The following KNDC1 variants were observed in gnomAD, a reference collection of about 807,000 sequenced individuals.
KNDC1 encodes kinase non-catalytic C-lobe domain containing 1, also known as kinase non-catalytic C-lobe domain-containing protein 1.
A neutral mutation model predicts 172.8 loss-of-function variants in KNDC1; 106 were observed. That is an observed-to-expected ratio of 0.61 (90% CI 0.52 to 0.72). The LOEUF (loss-of-function observed/expected upper bound fraction) is 0.72, where lower values mean the gene tolerates loss of function less well. Ranked by LOEUF, KNDC1 falls within the 30% of genes least tolerant of loss-of-function variation. KNDC1 has a pLI of 0.00. For synonymous variants in KNDC1, 1,083 were observed against 1,062.2 expected, an observed-to-expected ratio of 1.02 and a Z score of -0.38; for missense variants, 2,325 against 2,394.5, an observed-to-expected ratio of 0.97 and a Z score of 0.61.
At chr10:133,191,442 G>C (rs535506643) in intron 9 of KNDC1, among the ~76,000 whole-genome samples, 1 of 152,052 alleles carries the variant, frequency 6.6e-6, no homozygotes, top group African/African-American at 2.4e-5. Context: ...GCTCACACCT[G>C]TAATCCCAGC....
In KNDC1 at chr10:133,211,704, A is replaced by G. The variant is rs41283313; in HGVS notation, c.4082A>G (p.Lys1361Arg). Reference sequence around the variant, plus strand: ...ATCCTACCCCTGGACGGCTCTGCCAAGCACCTGCTGGGCCTCCTGGAGGTG... The same window carrying G: ...ATCCTACCCCTGGACGGCTCTGCCAGGCACCTGCTGGGCCTCCTGGAGGTG... ...SKILPLDGSAKHLLGLLEVGM... is the reference protein window; with the variant it reads ...SKILPLDGSARHLLGLLEVGM... The change falls in exon 23 of 30, where the codon AAG (lysine) becomes AGG (arginine). Residue 1361 changes from lysine to arginine, a missense_variant. Lys to Arg is a conservative substitution (Grantham distance 26). Coordinates refer to ENST00000304613, the MANE Select transcript of KNDC1 (RefSeq NM_152643.8). 0.034 allele frequency: 54,970 copies of G among 1,603,868 alleles called. 1,179 individuals are homozygous for G. Among genetic ancestry groups the G allele is most frequent in the South Asian group, 0.044 (3,958 of 90,542 alleles).
chr10:133,208,746 C>T lies in KNDC1; in HGVS notation c.3794+1395C>T, dbSNP rs1845280879. On this transcript the variant is annotated intron_variant, in intron 20 of 29. Transcript: ENST00000304613. ...AGGGTCTCTGTGCCGTTGCGGGAGACGTCCGTGTGCGTGACTGGGCACGTG... is the reference window on the plus strand; with the variant it reads ...AGGGTCTCTGTGCCGTTGCGGGAGATGTCCGTGTGCGTGACTGGGCACGTG... Among the ~76,000 whole-genome samples the T allele has an allele frequency of 2.0e-5, 3 of 152,146 alleles. No individual in the cohort carries two copies. The South Asian group carries it at 6.2e-4, about 32-fold the overall frequency.
intron 3 of KNDC1, among the ~76,000 whole-genome samples, chr10:133,177,532 ATAGT>A (rs1028196165): frequency 1.2e-4 from 14 of 115,622 alleles, no homozygotes; most frequent in African/African-American, 3.7e-4. Context: ...GTGCATGCAC[ATAGT>A]GTGTGTCATG....
intron 29 of KNDC1, among the ~76,000 whole-genome samples, chr10:133,220,965 C>T (rs1037648860): frequency 6.6e-6 from 1 of 152,090 alleles, no homozygotes; most frequent in African/African-American, 2.4e-5. Flanking sequence ...GCACTCACAG[C>T]CTCAGACCTC....
intron 19 of KNDC1, 29 bp from the exon 20 acceptor site, chr10:133,207,108 G>T: frequency 6.4e-7 from 1 of 1,563,390 alleles, no homozygotes; most frequent in South Asian, 1.2e-5. Context: ...GGGGCAGAGT[G>T]ACCAAGCGCC....
intron 2 of KNDC1, among the ~76,000 whole-genome samples, chr10:133,167,948 G>A (rs1372662802): frequency 6.6e-6 from 1 of 152,224 alleles, no homozygotes; most frequent in Non-Finnish European, 1.5e-5. Context: ...GGACGCCCCT[G>A]CCTCCGTGGG....
At position 133,198,556 on chromosome 10, in the gene KNDC1, C is replaced by T. The variant is rs530707341; in HGVS notation, c.2070-22C>T. ...GGGTCCCGGGCGCAGGCAGCCCCTC[C>T]TGAGCTCTGCTCCTCCCGTAGGGAC... On this transcript the variant is annotated intron_variant, in intron 13 of 29. Coordinates refer to ENST00000304613, the MANE Select transcript of KNDC1 (RefSeq NM_152643.8). 8 of 1,579,166 alleles carry T rather than the reference C, an allele frequency of 5.1e-6. No homozygotes were observed. In the African/African-American group the frequency reaches 1.1e-4, roughly 21 times the overall value.
Position 133,167,442 on chromosome 10 carries a change from C to T in KNDC1, c.164C>T (p.Ala55Val). The T allele has an allele frequency of 6.2e-7, 1 of 1,606,002 alleles. No individual in the cohort carries two copies. Among genetic ancestry groups the T allele is most frequent in the Non-Finnish European group, 8.5e-7 (1 of 1,177,494 alleles). Residue 55 changes from alanine (A) to valine (V), a missense_variant, in exon 2 of 30, where the codon GCC becomes GTC. Ala to Val is a moderately conservative substitution (Grantham distance 64). Transcript: ENST00000304613. Reference protein sequence around the residue: ...LRDRGLSEQEAWAVCLECSLS... With the variant: ...LRDRGLSEQEVWAVCLECSLS... The stretch of plus-strand genomic sequence containing the variant: ...GACCGCGGCCTCAGCGAGCAGGAAG[C>T]CTGGGCCGTGTGCCTGGAGTGCAGC...
At chr10:133,216,283 G>A in intron 26 of KNDC1, among the ~76,000 whole-genome samples, 1 of 152,186 alleles carries the variant, frequency 6.6e-6, no homozygotes, top group Middle Eastern at 3.4e-3. Context: ...GGGGTCGGTG[G>A]TTCCGTTCAG....
chr10:133,199,620 C>A lies in KNDC1; in HGVS notation c.2903+18C>A. ...TCCCCAAGGTGGGTGCCCAGTTCGG[C>A]CCTGCATTCCCGCCCCTCCCTGATG... On this transcript the variant is annotated intron_variant, in intron 15 of 29. Transcript: ENST00000304613. The A allele has an allele frequency of 6.2e-7, 1 of 1,610,762 alleles. No homozygotes were observed. Among genetic ancestry groups the A allele is most frequent in the Non-Finnish European group, 8.5e-7 (1 of 1,178,914 alleles).
Position 133,214,195 on chromosome 10 carries a change from T to C in KNDC1, c.4677+73T>C, listed in dbSNP as rs888345143. ...TACGCGGGGGTGGCAGCGCCTCCTA[T>C]AAGGCCGTGGCCTGAACCCTCTCCC... On this transcript the variant is annotated intron_variant, in intron 26 of 29. Coordinates refer to ENST00000304613, the MANE Select transcript of KNDC1 (RefSeq NM_152643.8). The C allele has an allele frequency of 3.1e-5, 47 of 1,538,794 alleles. 1 individual carries two copies. Among genetic ancestry groups the C allele is most frequent in the Non-Finnish European group, 4.0e-5 (45 of 1,128,446 alleles).
rs978217283 is a variant in KNDC1, at chr10:133,213,026, G to A, written c.4443+104G>A. On this transcript the variant is annotated intron_variant, in intron 24 of 29. Coordinates refer to ENST00000304613, the MANE Select transcript of KNDC1 (RefSeq NM_152643.8). ...GCGGCTGCTTCCAGAGGAACAGACG[G>A]GCAGAGAAGGGGCCAGCTGCCAGGT... The A allele has an allele frequency of 3.9e-6, 4 of 1,028,886 alleles. No individual in the cohort carries two copies. The African/African-American group carries it at 4.8e-5, about 12-fold the overall frequency. 63.7% of individuals were successfully genotyped at this position (1,028,886 alleles called of 1,614,324 possible).
At chr10:133,205,923 A>G (rs1421734221) in intron 17 of KNDC1, among the ~76,000 whole-genome samples, 1 of 152,132 alleles carries the variant, frequency 6.6e-6, no homozygotes, top group Non-Finnish European at 1.5e-5. Flanking sequence ...AAAAACGGCC[A>G]GGCGTGGTGG....
intron 16 of KNDC1, 150 bp from the exon 17 acceptor site, chr10:133,201,351 G>C: frequency 1.3e-6 from 1 of 799,536 alleles, no homozygotes; most frequent in Non-Finnish European, 2.0e-6. Context: ...ACTGGGAGGC[G>C]GCAGCCGTGC....
At chr10:133,217,315 A>G (rs1845486682) in intron 26 of KNDC1, among the ~76,000 whole-genome samples, 2 of 152,270 alleles carry the variant, frequency 1.3e-5, no homozygotes, top group Non-Finnish European at 1.5e-5. Context: ...TGTATCCGGT[A>G]AACACTTCTC....
At chr10:133,212,591 G>A in intron 23 of KNDC1, 125 bp from the exon 24 acceptor site, 1 of 745,308 alleles carries the variant, frequency 1.3e-6, no homozygotes, top group Non-Finnish European at 2.2e-6. Flanking sequence ...GCTCTGGCTG[G>A]GCCAGTCTGA....
At chr10:133,167,266 C>A in intron 1 of KNDC1, 115 bp from the exon 2 acceptor site, 1 of 961,010 alleles carries the variant, frequency 1.0e-6, no homozygotes, top group Non-Finnish European at 1.5e-6. Context: ...TTCCCTGACC[C>A]ACGCGTTGAA....
chr10:133,219,153 C>T (rs1845529851), intron 28 of KNDC1, 63 bp downstream of exon 28: 2 of 1,556,774 alleles, frequency 1.3e-6, no homozygotes, highest in Non-Finnish European at 8.7e-7. Context: ...AAACGAACTG[C>T]TGTGCAGAGC....
chr10:133,188,873 T>A (rs1457475251), intron 7 of KNDC1, among the ~76,000 whole-genome samples: 3 of 151,622 alleles, frequency 2.0e-5, no homozygotes, highest in Non-Finnish European at 2.9e-5. Flanking sequence ...AACAGGCGGC[T>A]CCCGTCTGGA....
Sources: allele counts gnomAD v4.1 joint callset (sites outside exome capture counted in the v4.1 genomes callset), GRCh38; gene constraint gnomAD v4.1.1; transcripts MANE v1.5; gene names NCBI Gene and HGNC (gene_info 2026-07-23, HGNC 2026-07-21).